Variants in GLT1D1 observed in about 807,000 individuals in gnomAD.
GLT1D1 encodes glycosyltransferase 1 domain containing 1, also known as glycosyltransferase 1 domain-containing protein 1.
A neutral mutation model predicts 28.7 loss-of-function variants in GLT1D1; 21 were observed. That is an observed-to-expected ratio of 0.73 (90% CI 0.52 to 1.05). The LOEUF is 1.05. Among genes scored for constraint, GLT1D1 ranks in the 50% least tolerant of loss-of-function variants. The pLI is 0.00. For synonymous variants in GLT1D1, 147 were observed against 124.8 expected (o/e 1.18, Z -1.19); for missense variants, 343 against 330.6 (o/e 1.04, Z -0.29).
At chr12:128,944,241 A>G (rs1210190840) in intron 4 of GLT1D1, 1 of 530,676 alleles carries the variant, frequency 1.9e-6, no homozygotes, top group African/African-American at 1.9e-5. Flanking sequence ...TGCCCATCTT[A>G]CTACTAATAG....
rs571014797 is a variant in GLT1D1, at chr12:128,944,306, C to T, written c.376-1020C>T. ...GAAGCTTCCTGGCTTGTTTGAGGAA[C>T]GTCAGTTTGGAGGAAAGCATATCCA... On this transcript the variant is annotated intron_variant, in intron 4 of 7. Transcript: ENST00000281703. 6.1e-4 allele frequency: 408 copies of T among 669,846 alleles called. 1 individual carries two copies. The highest frequency in any genetic ancestry group is 4.6e-3 in the Middle Eastern group (10 of 2,186). 41.5% of individuals were successfully genotyped at this position (669,846 alleles called of 1,614,324 possible). A position where few individuals can be genotyped will look rare whatever the true frequency, so the allele number is the denominator to read the frequency against.
At chr12:128,911,985 T>C (rs1359813675) in intron 4 of GLT1D1, among the ~76,000 whole-genome samples, 1 of 152,048 alleles carries the variant, frequency 6.6e-6, no homozygotes, top group Non-Finnish European at 1.5e-5. Flanking sequence ...TCTTTTTTTC[T>C]GGGGGTGGTG....
intron 1 of GLT1D1, among the ~76,000 whole-genome samples, chr12:128,874,514 GCT>G (rs1443425109): frequency 8.3e-6 from 1 of 119,940 alleles, no homozygotes; most frequent in Non-Finnish European, 1.6e-5. Context: ...ACAGGGTCTT[GCT>G]CTGTCACCTA....
intron 7 of GLT1D1, among the ~76,000 whole-genome samples, chr12:128,973,431 G>T (rs1879424748): frequency 6.7e-6 from 1 of 149,256 alleles, no homozygotes; most frequent in East Asian, 2.0e-4. Flanking sequence ...GACCTCAAGT[G>T]ATCCACCCAC....
At chr12:128,957,899 C>T (rs1309794293) in intron 7 of GLT1D1, among the ~76,000 whole-genome samples, 1 of 152,228 alleles carries the variant, frequency 6.6e-6, no homozygotes, top group East Asian at 1.9e-4. Context: ...AGATAATCAC[C>T]TCTGAGATAT....
intron 2 of GLT1D1, among the ~76,000 whole-genome samples, chr12:128,885,445 A>G (rs577766280): frequency 5.5e-4 from 83 of 152,044 alleles, no homozygotes; most frequent in Non-Finnish European, 1.0e-3. Flanking sequence ...CTGGTCTCAA[A>G]CTCCATACCT....
At chr12:128,884,450 G>A (rs1957132434) in intron 2 of GLT1D1, among the ~76,000 whole-genome samples, 1 of 152,082 alleles carries the variant, frequency 6.6e-6, no homozygotes, top group South Asian at 2.1e-4. Context: ...TCAGCTAGGA[G>A]GAATACATTC....
chr12:128,960,306 A>G (rs943092326), intron 7 of GLT1D1, among the ~76,000 whole-genome samples: 3 of 152,174 alleles, frequency 2.0e-5, no homozygotes, highest in African/African-American at 7.2e-5. Flanking sequence ...GGTTTTCTTT[A>G]CGGTCTTCTT....
At chr12:128,901,350 C>T (rs888503923) in intron 4 of GLT1D1, among the ~76,000 whole-genome samples, 4 of 152,032 alleles carry the variant, frequency 2.6e-5, no homozygotes, top group Non-Finnish European at 5.9e-5. Context: ...GAACTCCTGA[C>T]CTCAAGTGAT....
intron 6 of GLT1D1, among the ~76,000 whole-genome samples, chr12:128,949,201 G>A (rs1876440217): frequency 6.6e-6 from 1 of 152,158 alleles, no homozygotes; most frequent in South Asian, 2.1e-4. Context: ...TTAAGGAAAG[G>A]TAGAGTGAAA....
chr12:128,920,893 G>T (rs1872600687), intron 4 of GLT1D1, among the ~76,000 whole-genome samples: 1 of 152,214 alleles, frequency 6.6e-6, no homozygotes, highest in African/African-American at 2.4e-5. Flanking sequence ...TTAAAAGGAG[G>T]AGACAACATT....
At chr12:128,900,152 A>G (rs1870083726) in intron 4 of GLT1D1, among the ~76,000 whole-genome samples, 2 of 152,158 alleles carry the variant, frequency 1.3e-5, no homozygotes, top group South Asian at 2.1e-4. Flanking sequence ...AAAACTAAAG[A>G]AAAAAACCAA....
chr12:128,955,289 C>T (rs1389149594), intron 6 of GLT1D1, among the ~76,000 whole-genome samples: 2 of 151,978 alleles, frequency 1.3e-5, no homozygotes, highest in African/African-American at 4.8e-5. Flanking sequence ...CCCTCTCCCT[C>T]ATCTCTCTGT....
At chr12:128,944,897 A>T in intron 4 of GLT1D1, 1 of 437,692 alleles carries the variant, frequency 2.3e-6, no homozygotes, top group Non-Finnish European at 4.1e-6. Flanking sequence ...TGCTGCACCC[A>T]TCAACTCGTC....
intron 7 of GLT1D1, among the ~76,000 whole-genome samples, chr12:128,973,514 C>G (rs1302065765): frequency 6.6e-6 from 1 of 151,862 alleles, no homozygotes; most frequent in Non-Finnish European, 1.5e-5. Flanking sequence ...TTTCCTCTCC[C>G]CCAGGCATAA....
At chr12:128,976,543 C>CG (rs1356568822) in intron 7 of GLT1D1, among the ~76,000 whole-genome samples, 1 of 152,222 alleles carries the variant, frequency 6.6e-6, no homozygotes, top group African/African-American at 2.4e-5. Context: ...CATCGACAAG[C>CG]TGTCGTATTT....
rs185079022 is a variant in GLT1D1 at position 128,983,538 on chromosome 12, G to A, written c.*448G>A. The A allele has an allele frequency of 6.2e-6, 1 of 160,316 alleles. No individual in the cohort carries two copies. The allele number at this position is 160,316 out of a possible 1,614,324, so 9.9% of individuals were successfully genotyped here. On this transcript the variant is annotated 3_prime_UTR_variant, in exon 8 of 8. Transcript: ENST00000281703. This position sits in a 1 kb window ranked among gnomAD's most constrained non-coding sequence, Gnocchi z 4.7. ...AAAACAGACGTGTCAGCTGAGCCGA[G>A]TCCTCGCAGGATTTTTGTTGTGATC...
intron 1 of GLT1D1, among the ~76,000 whole-genome samples, chr12:128,858,384 A>T (rs1956276498): frequency 6.6e-6 from 1 of 152,180 alleles, no homozygotes; most frequent in Non-Finnish European, 1.5e-5. Flanking sequence ...ATCTGTAAAG[A>T]ATTTCTGCCG....
chr12:128,959,808 G>A (rs1189538398), intron 7 of GLT1D1, among the ~76,000 whole-genome samples: 4 of 151,996 alleles, frequency 2.6e-5, no homozygotes, highest in Admixed American at 1.3e-4. Context: ...ATTAATATCC[G>A]CTCTGGCAAA....
Sources: gnomAD v4.1 joint callset for allele counts (sites outside exome capture counted in the v4.1 genomes callset) on GRCh38, gnomAD v4.1.1 for gene constraint, Gnocchi (gnomAD v3.1) non-coding constraint, MANE v1.5 for transcripts, NCBI Gene and HGNC (gene_info 2026-07-23, HGNC 2026-07-21) for gene names.